The following ASIC2 variants were observed in gnomAD, a reference collection of about 807,000 sequenced individuals.
The protein encoded by ASIC2 is acid sensing ion channel subunit 2, also known as acid-sensing ion channel 2.
In ASIC2, 25 loss-of-function variants were observed where a neutral mutation model predicts 57.3. The observed-to-expected ratio is 0.44, with a 90% confidence interval of 0.32 to 0.61. ASIC2 has a LOEUF of 0.61. Among genes scored for constraint, ASIC2 ranks in the 20% least tolerant of loss-of-function variants. The probability of loss-of-function intolerance (pLI) is 0.06; values close to 1 mark genes in which losing one functional copy is unlikely to be tolerated. For synonymous variants in ASIC2, 319 were observed against 307.5 expected (o/e 1.04, Z -0.39); for missense variants, 641 against 738.1 (o/e 0.87, Z 1.52).
chr17:33,324,107 T>C (rs1393771902), intron 1 of ASIC2, among the ~76,000 whole-genome samples: 1 of 152,196 alleles, frequency 6.6e-6, no homozygotes, highest in Non-Finnish European at 1.5e-5. Context: ...ATCTCGATGG[T>C]GAACTGGGTC....
chr17:33,564,701 G>A (rs1323289744), intron 1 of ASIC2, among the ~76,000 whole-genome samples: 5 of 152,066 alleles, frequency 3.3e-5, no homozygotes, highest in East Asian at 1.9e-4. Context: ...CCCTAAAACC[G>A]GCCATAAACA....
At chr17:33,250,735 C>A (rs535348488) in intron 1 of ASIC2, among the ~76,000 whole-genome samples, 1 of 152,148 alleles carries the variant, frequency 6.6e-6, no homozygotes, top group Non-Finnish European at 1.5e-5. Flanking sequence ...GGTTACAGTG[C>A]GGAGGGGAGT....
chr17:33,790,931 T>C (rs778977148), intron 1 of ASIC2, among the ~76,000 whole-genome samples: 2 of 152,154 alleles, frequency 1.3e-5, no homozygotes, highest in South Asian at 4.1e-4. Context: ...ATTATCCCTT[T>C]CTATGGGTGA....
At chr17:33,855,897 A>G (rs1427231525) in intron 1 of ASIC2, among the ~76,000 whole-genome samples, 2 of 152,170 alleles carry the variant, frequency 1.3e-5, no homozygotes, top group Admixed American at 6.6e-5. Context: ...GCACAATCCA[A>G]CCCAATAGTT....
At chr17:33,368,385 C>T (rs988084641) in intron 1 of ASIC2, among the ~76,000 whole-genome samples, 1 of 152,228 alleles carries the variant, frequency 6.6e-6, no homozygotes, top group Non-Finnish European at 1.5e-5. Context: ...ATGGGTGAAA[C>T]TTCAGATAAT....
intron 1 of ASIC2, among the ~76,000 whole-genome samples, chr17:33,338,848 T>C (rs1263149317): frequency 6.6e-6 from 1 of 152,170 alleles, no homozygotes; most frequent in African/African-American, 2.4e-5. Flanking sequence ...AAAAGCACTG[T>C]GTGATTCCAC....
intron 1 of ASIC2, among the ~76,000 whole-genome samples, chr17:33,831,034 G>A (rs12949555): frequency 0.81 from 118,423 of 145,796 alleles, 48,411 homozygotes; most frequent in African/African-American, 0.85. Flanking sequence ...CACTTAGACC[G>A]GGAGGTGGAG....
At chr17:33,237,012 G>A (rs1908319187) in intron 1 of ASIC2, among the ~76,000 whole-genome samples, 1 of 152,158 alleles carries the variant, frequency 6.6e-6, no homozygotes, top group Admixed American at 6.5e-5. Flanking sequence ...AGGAGATGAA[G>A]GGTTCACTGG....
At chr17:33,630,454 C>G (rs933407148) in intron 1 of ASIC2, among the ~76,000 whole-genome samples, 1 of 152,126 alleles carries the variant, frequency 6.6e-6, no homozygotes, top group Non-Finnish European at 1.5e-5. Flanking sequence ...CCTGTCCTCC[C>G]CGGAGAAAGG....
chr17:33,692,886 C>T (rs1908416865), intron 1 of ASIC2, among the ~76,000 whole-genome samples: 1 of 152,152 alleles, frequency 6.6e-6, no homozygotes, highest in Non-Finnish European at 1.5e-5. Context: ...CATTGTTGAC[C>T]TAAATATCAT....
chr17:33,398,704 A>T (rs1245083551), intron 1 of ASIC2, among the ~76,000 whole-genome samples: 1 of 152,104 alleles, frequency 6.6e-6, no homozygotes, highest in East Asian at 1.9e-4. Flanking sequence ...CATCATTTTC[A>T]CTTTGGTCTT....
chr17:33,397,366 T>C (rs1210097191), intron 1 of ASIC2, among the ~76,000 whole-genome samples: 1 of 152,216 alleles, frequency 6.6e-6, no homozygotes, highest in Non-Finnish European at 1.5e-5. Context: ...TCCATTTCTT[T>C]GTCTGTCTTA....
At chr17:33,619,232 T>A (rs574122540) in intron 1 of ASIC2, among the ~76,000 whole-genome samples, 1 of 152,318 alleles carries the variant, frequency 6.6e-6, no homozygotes, top group Non-Finnish European at 1.5e-5. Flanking sequence ...TAATAATGGG[T>A]GCTTTGGCTT....
At chr17:33,594,875 G>T (rs1904935736) in intron 1 of ASIC2, among the ~76,000 whole-genome samples, 1 of 151,570 alleles carries the variant, frequency 6.6e-6, no homozygotes, top group Non-Finnish European at 1.5e-5. Flanking sequence ...GTAAGCTCAG[G>T]CCTAGAGAAA....
At chr17:33,438,984 T>C (rs758014919) in intron 1 of ASIC2, among the ~76,000 whole-genome samples, 55 of 152,096 alleles carry the variant, frequency 3.6e-4, no homozygotes, top group Non-Finnish European at 6.2e-4. Context: ...GCTGGGACTA[T>C]AGGCATTTGC....
At chr17:33,056,087 A>C (rs921082404) in intron 3 of ASIC2, among the ~76,000 whole-genome samples, 2 of 152,240 alleles carry the variant, frequency 1.3e-5, no homozygotes, top group Non-Finnish European at 2.9e-5. Flanking sequence ...ATTTGACAGA[A>C]GGGAAAACTG....
At chr17:33,306,313 C>T (rs1906171403) in intron 1 of ASIC2, among the ~76,000 whole-genome samples, 2 of 152,290 alleles carry the variant, frequency 1.3e-5, no homozygotes, top group Non-Finnish European at 2.9e-5. Context: ...TATTAGCTTC[C>T]TGAATGCAAA....
intron 1 of ASIC2, among the ~76,000 whole-genome samples, chr17:33,909,351 T>C (rs1320108914): frequency 6.6e-6 from 1 of 152,216 alleles, no homozygotes; most frequent in Non-Finnish European, 1.5e-5. Context: ...ACATATACTT[T>C]TTTGAAAATA....
intron 1 of ASIC2, among the ~76,000 whole-genome samples, chr17:33,256,846 T>C (rs1267571172): frequency 1.3e-5 from 2 of 152,110 alleles, no homozygotes; most frequent in South Asian, 2.1e-4. Flanking sequence ...AAAAAATTAC[T>C]GTAAGAGAAA....
Sources: gnomAD v4.1 joint callset for allele counts (sites outside exome capture counted in the v4.1 genomes callset) on GRCh38, gnomAD v4.1.1 for gene constraint, MANE v1.5 for transcripts, NCBI Gene and HGNC (gene_info 2026-07-23, HGNC 2026-07-21) for gene names.